The following NCAM2 variants were observed in gnomAD, a reference collection of about 807,000 sequenced individuals.
NCAM2 encodes the protein neural cell adhesion molecule 2.
Under a neutral mutation model 98.1 loss-of-function variants are expected in NCAM2, and 30 were observed. The observed-to-expected ratio is 0.31, with a 90% CI of 0.23 to 0.41. NCAM2 has a LOEUF of 0.41. Ranked by LOEUF, NCAM2 falls within the 10% of genes least tolerant of loss-of-function variation. The pLI, the probability that NCAM2 is intolerant of heterozygous loss-of-function variation, is 1.00. For synonymous variants in NCAM2, 368 were observed against 342.4 expected, an observed-to-expected ratio of 1.07 and a Z score of -0.83; for missense variants, 867 against 1,005.8, an observed-to-expected ratio of 0.86 and a Z score of 1.87.
chr21:21,524,193 A>T (rs1989191645), intron 16 of NCAM2, among the ~76,000 whole-genome samples: 1 of 151,936 alleles, frequency 6.6e-6, no homozygotes, highest in Non-Finnish European at 1.5e-5. Flanking sequence ...GAAAGTTATC[A>T]GGTTTCTAAA....
chr21:21,087,934 C>A (rs148725133), intron 1 of NCAM2, among the ~76,000 whole-genome samples: 3 of 152,158 alleles, frequency 2.0e-5, no homozygotes, highest in African/African-American at 7.2e-5. Flanking sequence ...AGGAGTAAGT[C>A]ATGTCATTGC....
chr21:21,117,769 G>A (rs575259465), intron 1 of NCAM2, among the ~76,000 whole-genome samples: 3 of 152,232 alleles, frequency 2.0e-5, no homozygotes, highest in Admixed American at 2.0e-4. Context: ...CTGCACTTAT[G>A]TGTATCTTTC....
intron 1 of NCAM2, among the ~76,000 whole-genome samples, chr21:21,216,005 G>C (rs1053483469): frequency 1.3e-5 from 2 of 152,152 alleles, no homozygotes; most frequent in African/African-American, 4.8e-5. Context: ...TGTTTAAGGA[G>C]CTTCAAGGAA....
chr21:21,238,453 A>T (rs186393317), intron 1 of NCAM2, among the ~76,000 whole-genome samples: 204 of 152,296 alleles, frequency 1.3e-3, no homozygotes, highest in African/African-American at 4.7e-3. Flanking sequence ...GAAAATGTAT[A>T]TTCTGAACAT....
intron 1 of NCAM2, among the ~76,000 whole-genome samples, chr21:21,015,066 G>A (rs1477551486): frequency 1.3e-5 from 2 of 152,198 alleles, no homozygotes; most frequent in Non-Finnish European, 2.9e-5. Flanking sequence ...TTGAATGGAT[G>A]AGAAGTTATT....
At chr21:21,214,177 A>T (rs546203347) in intron 1 of NCAM2, among the ~76,000 whole-genome samples, 7 of 152,156 alleles carry the variant, frequency 4.6e-5, no homozygotes, top group African/African-American at 1.7e-4. Context: ...TGTGCTTTCC[A>T]CTTATTTTTG....
At chr21:21,216,625 CCAGGGGCTGAACCATG>C (rs1411190087) in intron 1 of NCAM2, among the ~76,000 whole-genome samples, 2 of 152,178 alleles carry the variant, frequency 1.3e-5, no homozygotes, top group Non-Finnish European at 2.9e-5. Context: ...CTGTCCTTAG[CCAGGGGCTGAACCATG>C]CATGCCCAGT....
intron 1 of NCAM2, among the ~76,000 whole-genome samples, chr21:21,263,325 C>T (rs879079625): frequency 6.6e-6 from 1 of 151,986 alleles, no homozygotes; most frequent in Non-Finnish European, 1.5e-5. Flanking sequence ...AAGATCTCTA[C>T]AAGGTGAACT....
At chr21:21,265,533 GTGTATGTATATA>G (rs745399565) in intron 1 of NCAM2, among the ~76,000 whole-genome samples, 13 of 100,956 alleles carry the variant, frequency 1.3e-4, no homozygotes, top group African/African-American at 4.4e-4. Context: ...ACACATATGT[GTGTATGTATATA>G]TGTATGTATA....
chr21:21,393,572 G>T (rs367566151), intron 9 of NCAM2, among the ~76,000 whole-genome samples: 1 of 151,892 alleles, frequency 6.6e-6, no homozygotes, highest in Admixed American at 6.6e-5. Flanking sequence ...AATAAACCAA[G>T]ATTTTAATTT....
rs187790859 is a variant in NCAM2, at chr21:21,512,282, T to C, written c.2282+3227T>C. Among the ~76,000 whole-genome samples, 4 of 152,044 alleles carry C rather than the reference T, an allele frequency of 2.6e-5. 1 individual carries two copies. The South Asian group carries it at 8.3e-4, about 31-fold the overall frequency. On this transcript the variant is annotated intron_variant, in intron 16 of 17. Transcript: ENST00000400546. ...TTTGTTCTTTGTATATGGCAAGAGA[T>C]AGGGGTCTACATTCATCATCTATAT... is the stretch of plus-strand genomic sequence containing the variant.
chr21:21,470,064 A>G (rs1470720764), intron 14 of NCAM2, among the ~76,000 whole-genome samples: 2 of 152,016 alleles, frequency 1.3e-5, no homozygotes, highest in South Asian at 2.1e-4. Context: ...TTCTAATACA[A>G]TCCCACAGTG....
At chr21:21,296,590 T>G (rs1601897065) in intron 5 of NCAM2, among the ~76,000 whole-genome samples, 1 of 151,674 alleles carries the variant, frequency 6.6e-6, no homozygotes, top group South Asian at 2.1e-4. Context: ...ACCTGATTTA[T>G]GGGACAAGGA....
At chr21:21,432,595 G>A (rs1451138740) in intron 12 of NCAM2, among the ~76,000 whole-genome samples, 1 of 150,952 alleles carries the variant, frequency 6.6e-6, no homozygotes. Flanking sequence ...TTTATGAAAT[G>A]TATGCTCATG....
At chr21:21,529,947 C>A (rs1003140414) in intron 16 of NCAM2, among the ~76,000 whole-genome samples, 9 of 150,364 alleles carry the variant, frequency 6.0e-5, no homozygotes, top group Non-Finnish European at 1.2e-4. Context: ...CAAAATCTCT[C>A]CCTCTCTGTT....
chr21:21,064,548 C>T (rs2065392500), intron 1 of NCAM2, among the ~76,000 whole-genome samples: 2 of 152,128 alleles, frequency 1.3e-5, no homozygotes, highest in Admixed American at 6.6e-5. Context: ...TGGTCACCAG[C>T]TAGGTTAGTC....
intron 1 of NCAM2, among the ~76,000 whole-genome samples, chr21:21,005,623 A>G (rs1203033002): frequency 1.3e-5 from 2 of 152,026 alleles, no homozygotes; most frequent in Admixed American, 6.6e-5. Flanking sequence ...TTCCATCCCC[A>G]TTTATACTTT....
At chr21:21,324,838 G>T (rs1351440692) in intron 6 of NCAM2, among the ~76,000 whole-genome samples, 1 of 151,862 alleles carries the variant, frequency 6.6e-6, no homozygotes, top group Non-Finnish European at 1.5e-5. Context: ...ATATTCTAGT[G>T]TTATTGACAC....
intron 1 of NCAM2, among the ~76,000 whole-genome samples, chr21:21,061,532 C>A (rs1468797749): frequency 1.3e-5 from 2 of 152,150 alleles, no homozygotes; most frequent in Middle Eastern, 6.8e-3. Context: ...TGATTGATAA[C>A]CTGATTGGAA....
Sources: gnomAD v4.1 joint callset for allele counts (sites outside exome capture counted in the v4.1 genomes callset) on GRCh38, gnomAD v4.1.1 for gene constraint, MANE v1.5 for transcripts, NCBI Gene and HGNC (gene_info 2026-07-23, HGNC 2026-07-21) for gene names.